The following C19orf18 variants were observed in gnomAD, a reference collection of about 807,000 sequenced individuals.
The protein encoded by C19orf18 is chromosome 19 open reading frame 18.
A neutral mutation model predicts 23.3 loss-of-function variants in C19orf18; 21 were observed. The ratio of observed to expected loss-of-function variants is 0.90; its 90% CI spans 0.64 to 1.30. C19orf18 has a LOEUF of 1.30. Among genes scored for constraint, C19orf18 ranks in the 50% most tolerant of loss-of-function variants. The probability of loss-of-function intolerance (pLI) is 0.00; values close to 1 mark genes in which losing one functional copy is unlikely to be tolerated. For synonymous variants in C19orf18, 96 were observed against 95.2 expected (o/e 1.01, Z -0.05); for missense variants, 249 against 259.6 (o/e 0.96, Z 0.28).
chr19:57,961,128 G>A (rs1162335157), intron 5 of C19orf18, among the ~76,000 whole-genome samples: 7 of 152,144 alleles, frequency 4.6e-5, no homozygotes, highest in African/African-American at 1.2e-4. Flanking sequence ...CCAGCTACTC[G>A]GGAGGCTGAG....
chr19:57,961,380 G>C lies in C19orf18; in HGVS notation c.532+11C>G, dbSNP rs1465770752. Reference sequence around the variant, plus strand: ...GGCTTTCCTGCGAATAGCTCTTACAGGTCACACTACCTGAGTGGATGAACT... The same window carrying C: ...GGCTTTCCTGCGAATAGCTCTTACACGTCACACTACCTGAGTGGATGAACT... On this transcript the variant is annotated intron_variant, in intron 5 of 5. Transcript: ENST00000314391. 9 of 1,603,528 alleles carry C rather than the reference G, an allele frequency of 5.6e-6. No individual in the cohort carries two copies. The highest frequency in any genetic ancestry group is 1.1e-5 in the South Asian group (1 of 89,752).
At chr19:57,967,123 G>A (rs1164443087) in intron 3 of C19orf18, among the ~76,000 whole-genome samples, 2 of 151,904 alleles carry the variant, frequency 1.3e-5, no homozygotes, top group African/African-American at 4.8e-5. Context: ...CAGACCATTG[G>A]GGATTGGGCA....
intron 2 of C19orf18, among the ~76,000 whole-genome samples, chr19:57,973,821 TCAGA>T (rs545502863): frequency 6.6e-6 from 1 of 151,670 alleles, no homozygotes; most frequent in Non-Finnish European, 1.5e-5. Context: ...CAAATTCAAG[TCAGA>T]CAGGCATACC....
intron 4 of C19orf18, among the ~76,000 whole-genome samples, chr19:57,963,486 G>A (rs1164236134): frequency 6.6e-6 from 1 of 152,112 alleles, no homozygotes; most frequent in Non-Finnish European, 1.5e-5. Context: ...CCCTATACAC[G>A]TTTTAATGTA....
At chr19:57,972,283 C>T (rs528430293) in intron 3 of C19orf18, among the ~76,000 whole-genome samples, 180 bp downstream of exon 3, 1 of 152,368 alleles carries the variant, frequency 6.6e-6, no homozygotes, top group Admixed American at 6.5e-5. Flanking sequence ...GCCACCTTCT[C>T]ACCTGCCCCA....
chr19:57,973,948 T>C (rs1311302777), intron 2 of C19orf18, 151 bp downstream of exon 2: 3 of 726,426 alleles, frequency 4.1e-6, no homozygotes, highest in Non-Finnish European at 2.3e-6. Context: ...GTGAAGAGCA[T>C]AAGATCTAAT....
intron 3 of C19orf18, among the ~76,000 whole-genome samples, chr19:57,969,554 TA>T (rs1231163401): frequency 4.4e-5 from 2 of 44,998 alleles, no homozygotes; most frequent in Non-Finnish European, 7.9e-5. Context: ...GACTCTGTCT[TA>T]AAAAAAAACA....
rs181418754 is a variant in C19orf18 at position 57,972,357 on chromosome 19, C to T, written c.268+106G>A. Reference sequence around the variant, plus strand: ...TTGTCTAACACACATGAAGGCACCACGTGTGCAGGCTCCTTGGTGACCAGC... The same window carrying T: ...TTGTCTAACACACATGAAGGCACCATGTGTGCAGGCTCCTTGGTGACCAGC... On this transcript the variant is annotated intron_variant, in intron 3 of 5. Transcript: ENST00000314391. 157 of 1,324,066 alleles carry T rather than the reference C, an allele frequency of 1.2e-4. No individual in the cohort carries two copies. In the East Asian group the frequency reaches 1.6e-3, roughly 14 times the overall value. 82.0% of individuals were successfully genotyped at this position (1,324,066 alleles called of 1,614,324 possible).
At position 57,974,522 on chromosome 19, in the gene C19orf18, A is replaced by G. The variant is rs1460474047; in HGVS notation, c.-90T>C. The stretch of plus-strand genomic sequence containing the variant: ...CTGTCCTCTATTTATCTGAGGAATC[A>G]AGAAGTTCTACTCCCTTCAGAATGT... On this transcript the variant is annotated 5_prime_UTR_variant, in exon 1 of 6. Coordinates refer to ENST00000314391, the MANE Select transcript of C19orf18 (RefSeq NM_152474.5). The G allele has an allele frequency of 6.6e-7, 1 of 1,517,996 alleles. No individual in the cohort carries two copies. The highest frequency in any genetic ancestry group is 1.4e-5 in the African/African-American group (1 of 72,510). The allele number at this position is 1,517,996 out of a possible 1,614,324, so 94.0% of individuals were successfully genotyped here. A position where few individuals can be genotyped will look rare whatever the true frequency, so the allele number is the denominator to read the frequency against.
At chr19:57,966,755 CTTGTT>C (rs2072911233) in intron 3 of C19orf18, 123 bp from the exon 4 acceptor site, 1 of 629,938 alleles carries the variant, frequency 1.6e-6, no homozygotes, top group South Asian at 1.9e-5. Flanking sequence ...TCAAAAATAG[CTTGTT>C]TTGTTTTTTT....
rs753850359 is a variant in C19orf18, at chr19:57,961,454, C to T, written c.469G>A (p.Glu157Lys). The change falls in exon 5 of 6, where the codon GAG becomes AAG. Residue 157 changes from glutamate (E) to lysine (K), a missense_variant. Coordinates refer to ENST00000314391, the MANE Select transcript of C19orf18 (RefSeq NM_152474.5). The stretch of plus-strand genomic sequence containing the variant: ...GGAAGTAGGTGCGTGGACTCACCCT[C>T]GTCCTCTGAGCCCTCTTCTTCATCT... ...LGDEEEGSEDEGESTHLLPEN... is the reference protein window; with the variant it reads ...LGDEEEGSEDKGESTHLLPEN... 3.1e-6 allele frequency: 5 copies of T among 1,614,186 alleles called. No individual in the cohort carries two copies. The highest frequency in any genetic ancestry group is 4.5e-5 in the East Asian group (2 of 44,882).
intron 4 of C19orf18, among the ~76,000 whole-genome samples, chr19:57,962,844 T>C (rs1214225729): frequency 1.3e-5 from 2 of 149,368 alleles, no homozygotes; most frequent in Non-Finnish European, 1.5e-5. Flanking sequence ...CCAACAAGAG[T>C]GAAACTCCAT....
At chr19:57,972,586 A>C (rs11668548) in intron 2 of C19orf18, 82 bp from the exon 3 acceptor site, 4 of 1,490,670 alleles carry the variant, frequency 2.7e-6, no homozygotes, top group Non-Finnish European at 2.8e-6. Flanking sequence ...GAAATAACTT[A>C]GCATTAGAGA....
At chr19:57,969,566 GAAAAAAAAAA>G (rs59100128) in intron 3 of C19orf18, among the ~76,000 whole-genome samples, 232 of 46,512 alleles carry the variant, frequency 5.0e-3, no homozygotes, top group Middle Eastern at 0.029. Flanking sequence ...AAAAAAAACA[GAAAAAAAAAA>G]AAAAAAAAAA....
Position 57,958,551 on chromosome 19 carries a change from G to C in C19orf18, c.*51C>G. 2 of 1,251,254 alleles carry C rather than the reference G, an allele frequency of 1.6e-6. No homozygotes were observed. Among genetic ancestry groups the C allele is most frequent in the Non-Finnish European group, 2.3e-6 (2 of 885,594 alleles). 77.5% of individuals were successfully genotyped at this position (1,251,254 alleles called of 1,614,324 possible). A position where few individuals can be genotyped will look rare whatever the true frequency, so the allele number is the denominator to read the frequency against. ...CCACGCCCACAGGCTCAGTCTCCCA[G>C]CACCCCCATAGTTTCTCCTCTGCCT... is the stretch of plus-strand genomic sequence containing the variant. On this transcript the variant is annotated 3_prime_UTR_variant, in exon 6 of 6. Transcript: ENST00000314391.
Position 57,974,124 on chromosome 19 carries a change from A to G in C19orf18, c.201T>C (p.Ile67=). ...VFFHKTQLPG[I]QGAASRSTAA... is the part of the protein sequence containing the mutation. ...CCGTGGATCTCGAGGCAGCCCCTTG[A>G]ATCCCAGGCAACTGGGTTTTATGAA... is the stretch of plus-strand genomic sequence containing the variant. The change falls in exon 2 of 6, where the codon ATT becomes ATC. Residue 67 remains isoleucine, a synonymous_variant. Transcript: ENST00000314391. 1 of 1,614,144 alleles carries G rather than the reference A, an allele frequency of 6.2e-7. No individual in the cohort carries two copies. The highest frequency in any genetic ancestry group is 1.3e-5 in the African/African-American group (1 of 75,028).
intron 2 of C19orf18, among the ~76,000 whole-genome samples, chr19:57,973,296 G>C (rs995626983): frequency 6.6e-6 from 1 of 151,788 alleles, no homozygotes; most frequent in African/African-American, 2.4e-5. Context: ...GCATGGAATG[G>C]AGATTATTTA....
At chr19:57,967,727 G>A (rs965613809) in intron 3 of C19orf18, among the ~76,000 whole-genome samples, 1 of 151,698 alleles carries the variant, frequency 6.6e-6, no homozygotes, top group Non-Finnish European at 1.5e-5. Context: ...ACTCCAGCCT[G>A]GGTGACGGGA....
intron 4 of C19orf18, among the ~76,000 whole-genome samples, chr19:57,963,400 T>G (rs1404161974): frequency 6.6e-6 from 1 of 152,060 alleles, no homozygotes; most frequent in Non-Finnish European, 1.5e-5. Context: ...AATATCAAGA[T>G]TGTAAACAGA....
Sources: allele counts gnomAD v4.1 joint callset (sites outside exome capture counted in the v4.1 genomes callset), GRCh38; gene constraint gnomAD v4.1.1; transcripts MANE v1.5; gene names NCBI Gene and HGNC (gene_info 2026-07-23, HGNC 2026-07-21).